The following MICAL1 variants were observed in gnomAD, a reference collection of about 807,000 sequenced individuals.
The protein encoded by MICAL1 is microtubule associated monooxygenase, calponin and LIM domain containing 1.
Under a neutral mutation model 131.8 loss-of-function variants are expected in MICAL1, and 95 were observed. That is an observed-to-expected ratio of 0.72 (90% CI 0.61 to 0.86). The LOEUF is 0.86. MICAL1 is among the 40% of genes least tolerant of loss of function. MICAL1 has a pLI of 0.00. For synonymous variants in MICAL1, 546 were observed against 554.2 expected (o/e 0.99, Z 0.21); for missense variants, 1,292 against 1,380.6 (o/e 0.94, Z 1.02).
At chr6:109,451,905 G>A in intron 6 of MICAL1, 1 of 1,392,444 alleles carries the variant, frequency 7.2e-7, no homozygotes, top group Non-Finnish European at 9.3e-7. Context: ...AGCAAAGAGG[G>A]AAGCTTGGAG....
chr6:109,448,107 C>G, intron 13 of MICAL1, 96 bp downstream of exon 13: 4 of 1,380,586 alleles, frequency 2.9e-6, no homozygotes, highest in South Asian at 2.7e-5. Flanking sequence ...GACACACACA[C>G]ACACACACAC....
chr6:109,449,759 TGACA>T lies in MICAL1; in HGVS notation c.1328_1331del (p.Leu443HisfsTer26). ...GATGCATGTTTTCTGGGGATGTCTG[TGACA>T]GAAGCTGGTACAGGCTCTCACTGAG... On this transcript the variant is annotated frameshift_variant, in exon 10 of 25. Transcript: ENST00000358807. LOFTEE classifies it high-confidence loss of function. The T allele has an allele frequency of 6.2e-7, 1 of 1,608,790 alleles. No homozygotes were observed. Among genetic ancestry groups the T allele is most frequent in the Non-Finnish European group, 8.5e-7 (1 of 1,177,410 alleles).
At chr6:109,462,587 G>A (rs1290941458) in intron 1 of MICAL1, 1 of 152,200 alleles carries the variant, frequency 6.6e-6, no homozygotes, top group African/African-American at 2.4e-5. Context: ...CATTTATAAT[G>A]AGAATCTTTT....
At chr6:109,461,647 A>G (rs1775890571) in intron 1 of MICAL1, among the ~76,000 whole-genome samples, 1 of 152,154 alleles carries the variant, frequency 6.6e-6, no homozygotes, top group African/African-American at 2.4e-5. Context: ...CTTCTATTAC[A>G]TTAAGCAGGT....
Position 109,445,751 on chromosome 6 carries a change from C to A in MICAL1, c.2673+20G>T. The A allele has an allele frequency of 6.2e-7, 1 of 1,603,286 alleles. No homozygotes were observed. Among genetic ancestry groups the A allele is most frequent in the Non-Finnish European group, 8.5e-7 (1 of 1,174,614 alleles). ...TAGTGGGCTGGAGAGCGTTTTGTGG[C>A]TGCACGCTGGCCCACTCACCTGTTC... On this transcript the variant is annotated intron_variant, in intron 20 of 24. Transcript: ENST00000358807.
Position 109,453,650 on chromosome 6 carries a change from G to C in MICAL1, c.454C>G (p.Leu152Val), listed in dbSNP as rs576080794. ...KFYGRFCTGTLDHISIRQLQL... is the reference protein window; with the variant it reads ...KFYGRFCTGTVDHISIRQLQL... ...ACGTGGTGCTCACTGATGTGGTCCA[G>C]GGTGCCGGTGCAGAAGCGCCCGTAG... The change falls in exon 3 of 25, where the codon CTG becomes GTG. Residue 152 changes from leucine (L) to valine (V), a missense_variant. Transcript: ENST00000358807. 2 of 1,604,272 alleles carry C rather than the reference G, an allele frequency of 1.2e-6. No individual in the cohort carries two copies. The highest frequency in any genetic ancestry group is 2.2e-5 in the South Asian group (2 of 90,050).
At position 109,455,461 on chromosome 6, in the gene MICAL1, C is replaced by A. The variant is rs1325338452; in HGVS notation, c.-44+258G>T. ...AAAGGAGCGACCCAGCCTGGAAACG[C>A]CAGGACAAAGGCTGTGAGAGGGGTG... On this transcript the variant is annotated intron_variant, in intron 1 of 24. Transcript: ENST00000358807. This position sits in a 1 kb window ranked among gnomAD's most constrained non-coding sequence, Gnocchi z 4.7. The A allele has an allele frequency of 6.5e-6, 1 of 153,476 alleles. No homozygotes were observed. The highest frequency in any genetic ancestry group is 1.4e-5 in the Non-Finnish European group (1 of 69,176). 9.5% of individuals were successfully genotyped at this position (153,476 alleles called of 1,614,324 possible). A position where few individuals can be genotyped will look rare whatever the true frequency, so the allele number is the denominator to read the frequency against.
chr6:109,453,276 G>T lies in MICAL1; in HGVS notation c.558C>A (p.Pro186=). The T allele has an allele frequency of 2.5e-6, 4 of 1,613,764 alleles. No individual in the cohort carries two copies. The highest frequency in any genetic ancestry group is 2.5e-6 in the Non-Finnish European group (3 of 1,179,742). The change falls in exon 4 of 25, where the codon CCC becomes CCA. Residue 186 remains proline (P), a synonymous_variant. Coordinates refer to ENST00000358807, the MANE Select transcript of MICAL1 (RefSeq NM_022765.4). Reference sequence around the variant, plus strand: ...AGAAATACTTACCCTTCCTAGGAGGGGGCTGGAGGCCAGTGAAAGTGACAC... The same window carrying T: ...AGAAATACTTACCCTTCCTAGGAGGTGGCTGGAGGCCAGTGAAAGTGACAC... ...HWGVTFTGLQ[P]PPRKGSGWRA... is the part of the protein sequence containing the mutation.
In MICAL1 at chr6:109,463,967, C is replaced by T. The variant is rs549192330; in HGVS notation, c.14+1697G>A. The T allele has an allele frequency of 1.2e-4, 19 of 152,172 alleles. No individual in the cohort carries two copies. In the East Asian group the frequency reaches 1.9e-3, roughly 15 times the overall value. 9.4% of individuals were successfully genotyped at this position (152,172 alleles called of 1,614,324 possible). On this transcript the variant is annotated intron_variant, in intron 1 of 24. Transcript: ENST00000630715. ...CTTGACTTATAAATAGCTATGTAAC[C>T]GTATTTTCTGAATAATCACCTAGCT...
chr6:109,445,009 A>G lies in MICAL1; in HGVS notation c.2882-14T>C. On this transcript the variant is annotated splice_polypyrimidine_tract_variant and intron_variant, in intron 22 of 24. Coordinates refer to ENST00000358807, the MANE Select transcript of MICAL1 (RefSeq NM_022765.4). ...GTTCTGGGGAACCTGAGAAGAAGGA[A>G]GATGGGTAGGGTGATCAGGAGGCTT... The G allele has an allele frequency of 6.2e-7, 1 of 1,612,734 alleles. No homozygotes were observed. The highest frequency in any genetic ancestry group is 1.1e-5 in the South Asian group (1 of 91,066).
chr6:109,453,641 T>TGTG lies in MICAL1; in HGVS notation c.460_462dup (p.His154dup). ...CAGGCCACCACGTGGTGCTCACTGA[T>TGTG]GTGGTCCAGGGTGCCGGTGCAGAAG... On this transcript the variant is annotated inframe_insertion, in exon 3 of 25. Transcript: ENST00000358807. The TGTG allele has an allele frequency of 6.3e-7, 1 of 1,598,462 alleles. No individual in the cohort carries two copies. The highest frequency in any genetic ancestry group is 8.5e-7 in the Non-Finnish European group (1 of 1,172,680).
upstream of MICAL1, among the ~76,000 whole-genome samples, chr6:109,457,659 C>T (rs1333441380): frequency 1.3e-5 from 2 of 152,150 alleles, no homozygotes; most frequent in African/African-American, 4.8e-5. Flanking sequence ...ACTACAACTA[C>T]AGCGGCTACA....
intron 6 of MICAL1, 108 bp from the exon 7 acceptor site, chr6:109,451,808 G>T: frequency 6.6e-7 from 1 of 1,517,036 alleles, no homozygotes; most frequent in Non-Finnish European, 8.8e-7. Context: ...AGCTTAGGCT[G>T]CGGTGAGTGC....
chr6:109,456,001 G>A (rs939267541), upstream of MICAL1: 11 of 985,958 alleles, frequency 1.1e-5, no homozygotes, highest in African/African-American at 1.7e-4. Flanking sequence ...GCCCATGCCT[G>A]CAGGGTGGCG....
chr6:109,446,474 G>T (rs1314388699), intron 18 of MICAL1, 62 bp from the exon 19 acceptor site: 2 of 998,854 alleles, frequency 2.0e-6, no homozygotes, highest in Non-Finnish European at 2.9e-6. Flanking sequence ...GAGCAAAGGT[G>T]AGCCTTGGCA....
chr6:109,452,548 G>C lies in MICAL1; in HGVS notation c.639C>G (p.Val213=). The C allele has an allele frequency of 6.2e-7, 1 of 1,614,014 alleles. No homozygotes were observed. The highest frequency in any genetic ancestry group is 8.5e-7 in the Non-Finnish European group (1 of 1,180,004). Reference sequence around the variant, plus strand: ...ATTTACCTCCTGCAGCCGAGATAAGGACGTCAAATTCATAGTTGGCCAGCT... The same window carrying C: ...ATTTACCTCCTGCAGCCGAGATAAGCACGTCAAATTCATAGTTGGCCAGCT... ...PAQLANYEFD[V]LISAAGGKFV... is the part of the protein sequence containing the mutation. The change falls in exon 5 of 25, where the codon GTC becomes GTG. Residue 213 remains valine (V), a synonymous_variant. Coordinates refer to ENST00000358807, the MANE Select transcript of MICAL1 (RefSeq NM_022765.4).
At position 109,444,312 on chromosome 6, in the gene MICAL1, T is replaced by G. The variant is rs1775107518; in HGVS notation, c.3083A>C (p.Gln1028Pro). ...CTTCCTCAGGACCTGGTCCTCAGCCTGCCGATCAGCAGCTGTCTTTAGGTT... is the reference window on the plus strand; with the variant it reads ...CTTCCTCAGGACCTGGTCCTCAGCCGGCCGATCAGCAGCTGTCTTTAGGTT... ...EENLKTAADR[Q>P]AEDQVLRKLV... Residue 1028 changes from glutamine to proline, a missense_variant, in exon 25 of 25, where the codon CAG becomes CCG. Transcript: ENST00000358807. 1.9e-6 allele frequency: 3 copies of G among 1,613,570 alleles called. No individual in the cohort carries two copies. The highest frequency in any genetic ancestry group is 2.5e-6 in the Non-Finnish European group (3 of 1,180,010).
At chr6:109,444,567 G>A (rs549135699) in intron 24 of MICAL1, among the ~76,000 whole-genome samples, 158 bp downstream of exon 24, 1 of 152,220 alleles carries the variant, frequency 6.6e-6, no homozygotes, top group Non-Finnish European at 1.5e-5. Context: ...TTGAACTGAA[G>A]TGAGAAGGGG....
At chr6:109,460,883 TCA>T (rs941633968) in intron 1 of MICAL1, among the ~76,000 whole-genome samples, 2 of 152,290 alleles carry the variant, frequency 1.3e-5, no homozygotes, top group African/African-American at 4.8e-5. Flanking sequence ...AAAAAAGGGC[TCA>T]CTTACAGAGG....
Sources: allele counts gnomAD v4.1 joint callset (sites outside exome capture counted in the v4.1 genomes callset), GRCh38; gene constraint gnomAD v4.1.1; non-coding constraint Gnocchi (gnomAD v3.1); transcripts MANE v1.5; gene names NCBI Gene and HGNC (gene_info 2026-07-23, HGNC 2026-07-21).